Variants in ADAM2 observed in about 807,000 individuals in gnomAD.
ADAM2 encodes the protein ADAM metallopeptidase domain 2.
ADAM2 carries 101 observed loss-of-function variants against 99.3 expected under a neutral mutation model. The ratio of observed to expected loss-of-function variants is 1.02; its 90% confidence interval spans 0.87 to 1.20. The LOEUF (loss-of-function observed/expected upper bound fraction) is 1.20. Among genes scored for constraint, ADAM2 ranks in the 50% most tolerant of loss-of-function variants. The pLI is 0.00. For synonymous variants in ADAM2, 323 were observed against 287.6 expected (o/e 1.12, Z -1.25); for missense variants, 948 against 878.7 (o/e 1.08, Z -1.00).
At chr8:39,773,898 T>C (rs972613218) in intron 11 of ADAM2, among the ~76,000 whole-genome samples, 2 of 152,030 alleles carry the variant, frequency 1.3e-5, no homozygotes, top group East Asian at 1.9e-4. Flanking sequence ...ACTAAAGATC[T>C]GTATCACTCA....
At chr8:39,774,732 T>C (rs1366787773) in intron 11 of ADAM2, 5 of 152,112 alleles carry the variant, frequency 3.3e-5, no homozygotes, top group African/African-American at 2.4e-5. Flanking sequence ...GAACTTCTTA[T>C]ATTTGTGATT....
chr8:39,758,303 A>G (rs1202250643), intron 15 of ADAM2, among the ~76,000 whole-genome samples: 4 of 152,158 alleles, frequency 2.6e-5, no homozygotes, highest in Admixed American at 6.5e-5. Context: ...AGCAATTATA[A>G]AGCAATATAT....
chr8:39,769,219 C>T (rs971845529), intron 12 of ADAM2, among the ~76,000 whole-genome samples, 173 bp downstream of exon 12: 5 of 152,142 alleles, frequency 3.3e-5, no homozygotes, highest in Admixed American at 2.0e-4. Context: ...CACTGAAGCA[C>T]TACACCAATA....
intron 7 of ADAM2, among the ~76,000 whole-genome samples, chr8:39,805,301 G>A (rs1182041513): frequency 6.6e-6 from 1 of 152,192 alleles, no homozygotes; most frequent in East Asian, 1.9e-4. Context: ...GTCAAGAAAA[G>A]TGACTAGGGG....
chr8:39,770,137 T>C (rs1415007087), intron 11 of ADAM2, among the ~76,000 whole-genome samples: 1 of 151,938 alleles, frequency 6.6e-6, no homozygotes, highest in East Asian at 1.9e-4. Flanking sequence ...TTAGTAGAGA[T>C]GGGGTTTCAC....
chr8:39,757,587 C>A lies in ADAM2; in HGVS notation c.1614-1676G>T, dbSNP rs1186173127. ...GCCTGAAACCTGGATGACTACTGAA[C>A]TAATTAAGCTTGTGTGGTGAAGAAT... is the stretch of plus-strand genomic sequence containing the variant. On this transcript the variant is annotated intron_variant, in intron 15 of 20. Transcript: ENST00000265708. 2.6e-5 allele frequency among the ~76,000 whole-genome samples: 4 copies of A among 152,062 alleles called. No homozygotes were observed. In the East Asian group the frequency reaches 7.7e-4, roughly 29 times the overall value.
intron 15 of ADAM2, among the ~76,000 whole-genome samples, chr8:39,758,080 T>C (rs1802215021): frequency 6.6e-6 from 1 of 152,188 alleles, no homozygotes. Context: ...TATACTAAAA[T>C]GTACTTTATG....
intron 14 of ADAM2, among the ~76,000 whole-genome samples, chr8:39,762,102 A>AT (rs1396380554): frequency 1.3e-5 from 2 of 152,202 alleles, no homozygotes; most frequent in Non-Finnish European, 2.9e-5. Flanking sequence ...AAGAAAAAAA[A>AT]GCTTCAACCT....
At chr8:39,782,618 A>G (rs1424627101) in intron 10 of ADAM2, among the ~76,000 whole-genome samples, 24 of 152,106 alleles carry the variant, frequency 1.6e-4, no homozygotes, top group Admixed American at 1.6e-3. Flanking sequence ...GAGAAAATTT[A>G]TTATTCATAA....
intron 15 of ADAM2, among the ~76,000 whole-genome samples, chr8:39,758,409 CAA>C (rs1802230924): frequency 6.6e-6 from 1 of 151,362 alleles, no homozygotes; most frequent in Non-Finnish European, 1.5e-5. Flanking sequence ...GAGACAGAGA[CAA>C]AGAGATAGAA....
chr8:39,809,056 A>G lies in ADAM2; in HGVS notation c.570+354T>C, dbSNP rs186643521. Among the ~76,000 whole-genome samples, 121 of 152,332 alleles carry G rather than the reference A, an allele frequency of 7.9e-4. 1 individual carries two copies. The highest frequency in any genetic ancestry group is 2.8e-3 in the African/African-American group (115 of 41,572). Reference sequence around the variant, plus strand: ...AGCCATTATTTTCCTGTCTACAAAAAAAATGTACAGATGGGAAACTTTTAT... The same window carrying G: ...AGCCATTATTTTCCTGTCTACAAAAGAAATGTACAGATGGGAAACTTTTAT... On this transcript the variant is annotated intron_variant, in intron 7 of 20. Coordinates refer to ENST00000265708, the MANE Select transcript of ADAM2 (RefSeq NM_001464.5).
At chr8:39,820,689 G>A (rs2129588112) in intron 6 of ADAM2, among the ~76,000 whole-genome samples, 1 of 152,224 alleles carries the variant, frequency 6.6e-6, no homozygotes, top group Middle Eastern at 3.4e-3. Flanking sequence ...GATGGCATTT[G>A]TGTTTGTTAC....
At chr8:39,831,894 G>T (rs865832960) in intron 3 of ADAM2, among the ~76,000 whole-genome samples, 21 of 152,060 alleles carry the variant, frequency 1.4e-4, no homozygotes, top group Non-Finnish European at 1.8e-4. Flanking sequence ...CCCAGGAAAG[G>T]TTAGCAGAGT....
chr8:39,788,954 G>T (rs1010287410), intron 7 of ADAM2, among the ~76,000 whole-genome samples: 1 of 150,988 alleles, frequency 6.6e-6, no homozygotes, highest in Non-Finnish European at 1.5e-5. Context: ...TTTTTCCATA[G>T]AAATTTAAAA....
chr8:39,769,095 G>A (rs946675318), intron 12 of ADAM2, among the ~76,000 whole-genome samples: 2 of 152,106 alleles, frequency 1.3e-5, no homozygotes, highest in African/African-American at 4.8e-5. Context: ...CAATCATCAA[G>A]TTGTATAACT....
chr8:39,807,042 T>C (rs1804469781), intron 7 of ADAM2, among the ~76,000 whole-genome samples: 1 of 152,206 alleles, frequency 6.6e-6, no homozygotes, highest in East Asian at 1.9e-4. Context: ...TTCCACAGTT[T>C]GGATGGCCTT....
At chr8:39,821,245 A>T (rs945559144) in intron 5 of ADAM2, 75 bp from the exon 6 acceptor site, 20 of 1,021,846 alleles carry the variant, frequency 2.0e-5, no homozygotes, top group Non-Finnish European at 2.4e-5. Context: ...ACTTAGCATT[A>T]TTTTTTCATG....
chr8:39,758,558 T>C (rs1316412153), intron 15 of ADAM2, among the ~76,000 whole-genome samples: 1 of 150,512 alleles, frequency 6.6e-6, no homozygotes, highest in Non-Finnish European at 1.5e-5. Flanking sequence ...AAAAAGTCAG[T>C]AAAAATAAAA....
At chr8:39,777,239 A>G in intron 10 of ADAM2, 78 bp from the exon 11 acceptor site, 2 of 1,220,924 alleles carry the variant, frequency 1.6e-6, no homozygotes, top group African/African-American at 1.5e-5. Context: ...ATTAAAGATC[A>G]CATGATAAAA....
Sources: allele counts gnomAD v4.1 joint callset (sites outside exome capture counted in the v4.1 genomes callset), GRCh38; gene constraint gnomAD v4.1.1; transcripts MANE v1.5; gene names NCBI Gene and HGNC (gene_info 2026-07-23, HGNC 2026-07-21).